Variants in PPOX observed in about 807,000 individuals in gnomAD.
The protein encoded by PPOX is protoporphyrinogen oxidase.
PPOX carries 23 observed loss-of-function variants against 54.1 expected under a neutral mutation model. The observed-to-expected ratio is 0.43, with a 90% confidence interval of 0.31 to 0.60. The LOEUF is 0.60. Ranked by LOEUF, PPOX falls within the 20% of genes least tolerant of loss-of-function variation. The pLI is 0.13. For synonymous variants in PPOX, 224 were observed against 236.1 expected (o/e 0.95, Z 0.47); for missense variants, 512 against 601.1 (o/e 0.85, Z 1.55).
chr1:161,166,688 T>C lies in PPOX; in HGVS notation c.-9+16T>C, dbSNP rs558469127. The C allele has an allele frequency of 3.3e-4, 504 of 1,519,990 alleles. 9 individuals are homozygous for C. The South Asian group carries it at 5.6e-3, about 17-fold the overall frequency. The allele number at this position is 1,519,990 out of a possible 1,614,324, so 94.2% of individuals were successfully genotyped here. On this transcript the variant is annotated intron_variant, in intron 1 of 12. Coordinates refer to ENST00000367999, the MANE Select transcript of PPOX (RefSeq NM_001122764.3). The stretch of plus-strand genomic sequence containing the variant: ...CCTATTGTGGGTGAGTCCTGGCCCC[T>C]GGACGGGGACCTCGCTGTTCCACCA...
At chr1:161,175,210 G>A (rs1259293587), downstream of PPOX, 1 of 1,613,276 alleles carries the variant, frequency 6.2e-7, no homozygotes, top group Admixed American at 1.7e-5. Context: ...TGGGCTAAAG[G>A]ACACCGACAC....
At chr1:161,175,872 C>T, downstream of PPOX, 3 of 1,614,102 alleles carry the variant, frequency 1.9e-6, no homozygotes, top group Non-Finnish European at 2.5e-6. Context: ...CCCCTGGGGC[C>T]CCAGGCAGGT....
downstream of PPOX, chr1:161,176,115 G>C (rs1663418821): frequency 8.7e-6 from 14 of 1,602,964 alleles, no homozygotes; most frequent in Middle Eastern, 1.7e-4. Context: ...GGCAGGAAGA[G>C]AGCAAGCCAG....
chr1:161,171,740 C>G, downstream of PPOX: 3 of 1,550,400 alleles, frequency 1.9e-6, no homozygotes, highest in South Asian at 1.2e-5. Flanking sequence ...CCTCTGAGAA[C>G]AGTGAGGAGC....
intron 8 of PPOX, 68 bp downstream of exon 8, chr1:161,169,788 G>C: frequency 6.2e-7 from 1 of 1,612,602 alleles, no homozygotes; most frequent in Admixed American, 1.7e-5. Flanking sequence ...TACCTTCCTG[G>C]GTCAGCAGGA....
chr1:161,168,023 T>A lies in PPOX; in HGVS notation c.367T>A (p.Ser123Thr), dbSNP rs1064797018. 6.2e-7 allele frequency: 1 copy of A among 1,614,090 alleles called. No individual in the cohort carries two copies. Among genetic ancestry groups the A allele is most frequent in the Non-Finnish European group, 8.5e-7 (1 of 1,180,002 alleles). Residue 123 changes from serine to threonine, a missense_variant, in exon 5 of 13, where the codon TCC becomes ACC. Transcript: ENST00000367999. ...GCTACTCCGCCCTTCACCCCCCTTC[T>A]CCAAACCTCTGTTTTGGGCTGGGCT... ...RGLLRPSPPF[S>T]KPLFWAGLRE...
downstream of PPOX, chr1:161,176,024 C>A: frequency 2.5e-6 from 4 of 1,614,132 alleles, no homozygotes; most frequent in Non-Finnish European, 3.4e-6. Context: ...ACAAGCAGGG[C>A]CAGCGTGCAA....
chr1:161,174,787 T>A, downstream of PPOX: 1 of 593,354 alleles, frequency 1.7e-6, no homozygotes, highest in Non-Finnish European at 2.9e-6. Context: ...CAGGAGAGTG[T>A]AGGACAGTGG....
intron 4 of PPOX, chr1:161,176,294 ACCTCCCCCCAAAC>A: frequency 1.7e-6 from 1 of 597,244 alleles, no homozygotes; most frequent in Non-Finnish European, 2.9e-6. Flanking sequence ...GCTCTCCTCT[ACCTCCCCCCAAAC>A]CACTCCCACC....
chr1:161,167,213 A>C lies in PPOX; in HGVS notation c.201A>C (p.Leu67=), dbSNP rs1382331836. The change falls in exon 3 of 13, where the codon CTA becomes CTC. Residue 67 remains leucine, a synonymous_variant. Transcript: ENST00000367999. ...GPRGIRPAGA[L]GARTLLLVSE... ...GGGGAATTAGGCCAGCGGGAGCCCT[A>C]GGGGCCCGGACCTTGCTCCTGGTGA... 16 of 1,614,118 alleles carry C rather than the reference A, an allele frequency of 9.9e-6. No homozygotes were observed. The highest frequency in any genetic ancestry group is 1.3e-5 in the African/African-American group (1 of 75,038).
At chr1:161,169,311 TGG>T (rs1211639369) in intron 7 of PPOX, 128 bp downstream of exon 7, 46 of 1,126,224 alleles carry the variant, frequency 4.1e-5, no homozygotes, top group Non-Finnish European at 5.7e-5. Context: ...TACTTAGACA[TGG>T]GCTACCCCAG....
chr1:161,168,085 T>G lies in PPOX; in HGVS notation c.429T>G (p.Asp143Glu). ...CCAAGCCCCGGGGCAAAGAGCCTGA[T>G]GAGACTGTGCACAGTTTTGCCCAGC... is the stretch of plus-strand genomic sequence containing the variant. Reference protein sequence around the residue: ...ELTKPRGKEPDETVHSFAQRR... With the variant: ...ELTKPRGKEPEETVHSFAQRR... Residue 143 changes from aspartate to glutamate, a missense_variant, in exon 5 of 13, where the codon GAT becomes GAG. Transcript: ENST00000367999. The G allele has an allele frequency of 1.2e-6, 2 of 1,614,162 alleles. No homozygotes were observed. The highest frequency in any genetic ancestry group is 1.7e-6 in the Non-Finnish European group (2 of 1,180,034).
intron 2 of PPOX, 28 bp downstream of exon 2, chr1:161,166,962 G>C: frequency 6.2e-7 from 1 of 1,612,816 alleles, no homozygotes; most frequent in Non-Finnish European, 8.5e-7. Context: ...GCCAGAGGGA[G>C]CTTCATTTAA....
At chr1:161,177,449 G>A (rs959080733), downstream of PPOX, 5 of 172,934 alleles carry the variant, frequency 2.9e-5, no homozygotes, top group African/African-American at 1.2e-4. Flanking sequence ...TGTCGTCACC[G>A]CCACCCCAAC....
chr1:161,177,616 G>A (rs1269356236), downstream of PPOX: 3 of 158,432 alleles, frequency 1.9e-5, no homozygotes, highest in Non-Finnish European at 4.2e-5. Flanking sequence ...AGCAGCGCCT[G>A]AGCCTGCCCA....
At chr1:161,167,888 T>G in intron 4 of PPOX, 107 bp from the exon 5 acceptor site, 1 of 1,563,408 alleles carries the variant, frequency 6.4e-7, no homozygotes, top group Non-Finnish European at 8.8e-7. Context: ...CATCTCCCTG[T>G]CAGCCTTCCC....
chr1:161,166,711 C>G (rs1482532330), intron 1 of PPOX, 39 bp downstream of exon 1: 1 of 1,533,322 alleles, frequency 6.5e-7, no homozygotes, highest in Non-Finnish European at 8.7e-7. Flanking sequence ...CGCTGTTCCA[C>G]CAGCCCATCC....
chr1:161,166,812 C>T, intron 1 of PPOX, 28 bp from the exon 2 acceptor site: 1 of 1,610,208 alleles, frequency 6.2e-7, no homozygotes, highest in Non-Finnish European at 8.5e-7. Context: ...CCCCGGTCTG[C>T]CTGTCCATAT....
intron 4 of PPOX, chr1:161,176,570 C>G (rs1239088608): frequency 8.1e-6 from 4 of 491,390 alleles, no homozygotes; most frequent in African/African-American, 5.8e-5. Context: ...AGCAGCGAAT[C>G]TGGGACCAGC....
Sources: allele counts gnomAD v4.1 joint callset, GRCh38; gene constraint gnomAD v4.1.1; transcripts MANE v1.5; gene names NCBI Gene and HGNC (gene_info 2026-07-23, HGNC 2026-07-21).